Variants in DISC1 observed in about 807,000 individuals in gnomAD.
DISC1 encodes disrupted in schizophrenia 1 protein.
In DISC1, 57 loss-of-function variants were observed where a neutral mutation model predicts 84.5. That is an observed-to-expected ratio of 0.67 (90% CI 0.55 to 0.84). DISC1 has a LOEUF of 0.84. DISC1 is among the 40% of genes least tolerant of loss of function. DISC1 has a pLI of 0.00. For missense variants in DISC1, 1,000 were observed against 1,057.8 expected (o/e 0.95, Z 0.76); for synonymous variants, 411 against 415.2 (o/e 0.99, Z 0.12).
At chr1:231,931,691 C>T (rs1308826849) in intron 9 of DISC1, among the ~76,000 whole-genome samples, 3 of 150,914 alleles carry the variant, frequency 2.0e-5, no homozygotes. Flanking sequence ...CTCTATCACC[C>T]AGGCTGGAGT....
At chr1:232,036,522 A>G (rs1366547359) in intron 12 of DISC1, among the ~76,000 whole-genome samples, 170 bp from the exon 13 acceptor site, 1 of 152,246 alleles carries the variant, frequency 6.6e-6, no homozygotes, top group Non-Finnish European at 1.5e-5. Context: ...CTAAAATATA[A>G]AAGTGTAAAG....
At chr1:231,647,778 C>T (rs1177283855) in intron 1 of DISC1, among the ~76,000 whole-genome samples, 1 of 152,110 alleles carries the variant, frequency 6.6e-6, no homozygotes. Context: ...TCTTTACATC[C>T]CTTGTAAGTT....
chr1:231,704,141 C>T (rs1281429440), intron 3 of DISC1, among the ~76,000 whole-genome samples: 1 of 152,176 alleles, frequency 6.6e-6, no homozygotes, highest in Non-Finnish European at 1.5e-5. Context: ...GGAATATGCA[C>T]AATGCCTGGC....
At chr1:232,011,684 T>TGTG (rs977130790) in intron 11 of DISC1, among the ~76,000 whole-genome samples, 17 of 151,932 alleles carry the variant, frequency 1.1e-4, no homozygotes, top group African/African-American at 4.1e-4. Context: ...CTCTCTTGAT[T>TGTG]GTGGTGGTAG....
chr1:232,026,567 T>A lies in DISC1; in HGVS notation c.2425+15T>A. 2.5e-6 allele frequency: 4 copies of A among 1,571,622 alleles called. No individual in the cohort carries two copies. In the Middle Eastern group the frequency reaches 6.7e-4, roughly 263 times the overall value. ...AGATCTCATTCATATCCTTTTCATC[T>A]TGCAGATGAAGCAAGGCAAAGTTAT... On this transcript the variant is annotated intron_variant, in intron 12 of 12. Coordinates refer to ENST00000439617, the MANE Select transcript of DISC1 (RefSeq NM_018662.3).
intron 9 of DISC1, among the ~76,000 whole-genome samples, chr1:231,840,850 GGT>G: frequency 6.6e-6 from 1 of 152,054 alleles, no homozygotes; most frequent in Non-Finnish European, 1.5e-5. Context: ...TCCTGTTTGT[GGT>G]GATGGTTACA....
At chr1:231,651,615 T>C (rs2060629071) in intron 1 of DISC1, among the ~76,000 whole-genome samples, 1 of 152,236 alleles carries the variant, frequency 6.6e-6, no homozygotes, top group South Asian at 2.1e-4. Context: ...CACTGCTCTC[T>C]TCAGAGCTGT....
chr1:231,838,135 G>A (rs1314419118), intron 9 of DISC1, among the ~76,000 whole-genome samples: 1 of 152,132 alleles, frequency 6.6e-6, no homozygotes, highest in African/African-American at 2.4e-5. Flanking sequence ...AAGAACATGT[G>A]GCCCGTGAAG....
chr1:232,024,028 T>C (rs535330619), intron 11 of DISC1, among the ~76,000 whole-genome samples: 11 of 146,550 alleles, frequency 7.5e-5, no homozygotes, highest in Non-Finnish European at 1.5e-4. Flanking sequence ...TATATATATA[T>C]ACACACACAT....
At chr1:231,927,001 C>T (rs1320812697) in intron 9 of DISC1, among the ~76,000 whole-genome samples, 1 of 152,188 alleles carries the variant, frequency 6.6e-6, no homozygotes, top group Non-Finnish European at 1.5e-5. Flanking sequence ...ATGATGCTTT[C>T]TAGGTACCGT....
At chr1:231,813,043 A>C (rs1432657040) in intron 8 of DISC1, among the ~76,000 whole-genome samples, 2 of 152,146 alleles carry the variant, frequency 1.3e-5, no homozygotes, top group Non-Finnish European at 2.9e-5. Flanking sequence ...GGATCAAAGA[A>C]AGGGCCTAGG....
chr1:231,946,532 T>A (rs1485079665), intron 9 of DISC1, among the ~76,000 whole-genome samples: 2 of 152,118 alleles, frequency 1.3e-5, no homozygotes, highest in Non-Finnish European at 2.9e-5. Context: ...ACTGAAAGCA[T>A]TCCCTTTGAA....
intron 6 of DISC1, among the ~76,000 whole-genome samples, chr1:231,776,052 G>A (rs1055500288): frequency 6.6e-6 from 1 of 152,138 alleles, no homozygotes; most frequent in Non-Finnish European, 1.5e-5. Flanking sequence ...GTAAATTGAG[G>A]AGAATGGTGA....
At chr1:231,886,754 T>TTCCTTCCTTC in intron 9 of DISC1, among the ~76,000 whole-genome samples, 1 of 124,080 alleles carries the variant, frequency 8.1e-6, no homozygotes, top group Non-Finnish European at 1.7e-5. Context: ...TTTCTTCCTT[T>TTCCTTCCTTC]CTTCCTTCCT....
At chr1:231,896,205 T>C (rs1024972371) in intron 9 of DISC1, among the ~76,000 whole-genome samples, 1 of 152,074 alleles carries the variant, frequency 6.6e-6, no homozygotes, top group Non-Finnish European at 1.5e-5. Context: ...ATGGGAAAGA[T>C]TTAGGGAATG....
At chr1:231,758,129 C>T (rs1467255607) in intron 4 of DISC1, among the ~76,000 whole-genome samples, 3 of 151,956 alleles carry the variant, frequency 2.0e-5, no homozygotes, top group Non-Finnish European at 4.4e-5. Context: ...CAATGGGTTC[C>T]ATTTGTCCGT....
intron 12 of DISC1, among the ~76,000 whole-genome samples, chr1:232,027,349 A>C (rs1464110763): frequency 1.3e-5 from 2 of 152,234 alleles, no homozygotes; most frequent in Non-Finnish European, 2.9e-5. Flanking sequence ...CACATGGTTG[A>C]ACTCAATTTA....
chr1:231,874,516 C>A (rs1456024778), intron 9 of DISC1, among the ~76,000 whole-genome samples: 1 of 152,124 alleles, frequency 6.6e-6, no homozygotes. Context: ...TCCTAACTCA[C>A]TCTCATTGAT....
intron 9 of DISC1, among the ~76,000 whole-genome samples, chr1:231,862,183 C>A (rs1031694917): frequency 6.6e-6 from 1 of 152,128 alleles, no homozygotes; most frequent in African/African-American, 2.4e-5. Context: ...TACAAAACAA[C>A]CCTGTAGAGT....
Sources: allele counts gnomAD v4.1 joint callset (sites outside exome capture counted in the v4.1 genomes callset), GRCh38; gene constraint gnomAD v4.1.1; transcripts MANE v1.5; gene names NCBI Gene and HGNC (gene_info 2026-07-23, HGNC 2026-07-21).